CNPY1: variants seen among roughly 807,000 people sequenced by gnomAD.
CNPY1 encodes canopy FGF signaling regulator 1, also known as protein canopy homolog 1.
CNPY1 carries 14 observed loss-of-function variants against 14.4 expected under a neutral mutation model. The observed-to-expected ratio is 0.97, with a 90% CI of 0.64 to 1.52. CNPY1 has a LOEUF of 1.52. Ranked by LOEUF, CNPY1 falls within the 40% of genes most tolerant of loss-of-function variation. The pLI is 0.00. For missense variants in CNPY1, 129 were observed against 131.5 expected (o/e 0.98, Z 0.09); for synonymous variants, 43 against 46.5 (o/e 0.92, Z 0.31).
intron 2 of CNPY1, among the ~76,000 whole-genome samples, chr7:155,515,297 C>A (rs1326658834): frequency 3.5e-5 from 1 of 28,224 alleles, no homozygotes; most frequent in Non-Finnish European, 5.9e-5. Context: ...CAAGGCCGCC[C>A]CCCCCCCCCC....
intron 2 of CNPY1, among the ~76,000 whole-genome samples, chr7:155,526,192 A>G (rs973861543): frequency 3.9e-5 from 6 of 152,226 alleles, no homozygotes; most frequent in Non-Finnish European, 8.8e-5. Flanking sequence ...CATCTTTGTA[A>G]AAAAGTGACA....
At chr7:155,545,522 C>T (rs1299075727) in intron 2 of CNPY1, among the ~76,000 whole-genome samples, 2 of 152,182 alleles carry the variant, frequency 1.3e-5, no homozygotes, top group African/African-American at 2.4e-5. Flanking sequence ...TCTAGGCCGC[C>T]CCTTTAGCCT....
intron 2 of CNPY1, among the ~76,000 whole-genome samples, chr7:155,531,575 A>G (rs935697378): frequency 2.0e-5 from 3 of 152,178 alleles, no homozygotes; most frequent in African/African-American, 4.8e-5. Flanking sequence ...AGCTTAGGAT[A>G]TCGGCACTTC....
chr7:155,521,330 CA>C (rs1796720334), intron 2 of CNPY1, among the ~76,000 whole-genome samples: 1 of 152,170 alleles, frequency 6.6e-6, no homozygotes, highest in Admixed American at 6.5e-5. Context: ...TGGGAAGGAC[CA>C]GGTTTCTTTA....
chr7:155,514,050 G>A (rs1343895597), intron 2 of CNPY1, among the ~76,000 whole-genome samples: 4 of 152,212 alleles, frequency 2.6e-5, no homozygotes, highest in African/African-American at 7.2e-5. Flanking sequence ...TGTGCCCTCC[G>A]GTGGGCACCG....
At chr7:155,537,549 G>A (rs1797038179) in intron 2 of CNPY1, among the ~76,000 whole-genome samples, 1 of 151,056 alleles carries the variant, frequency 6.6e-6, no homozygotes, top group African/African-American at 2.4e-5. Context: ...TCAGCCTCCT[G>A]AGTAGCTGGG....
intron 2 of CNPY1, among the ~76,000 whole-genome samples, chr7:155,537,424 C>CTTTTT (rs557551511): frequency 7.3e-6 from 1 of 137,788 alleles, no homozygotes; most frequent in Non-Finnish European, 1.6e-5. Flanking sequence ...TTTTTCTTTT[C>CTTTTT]TTTTTTTTTT....
At chr7:155,534,807 C>T (rs1188918270) in intron 2 of CNPY1, among the ~76,000 whole-genome samples, 1 of 152,238 alleles carries the variant, frequency 6.6e-6, no homozygotes, top group African/African-American at 2.4e-5. Context: ...TTTCTGGGCA[C>T]TGAGGGAGCG....
chr7:155,539,947 A>C (rs1043839387), intron 2 of CNPY1, among the ~76,000 whole-genome samples: 1 of 152,170 alleles, frequency 6.6e-6, no homozygotes, highest in Non-Finnish European at 1.5e-5. Context: ...GAGGGGTAGA[A>C]CTGCACCGTG....
intron 2 of CNPY1, among the ~76,000 whole-genome samples, chr7:155,522,429 CCAT>C (rs1796743659): frequency 6.6e-6 from 1 of 152,252 alleles, no homozygotes; most frequent in African/African-American, 2.4e-5. Flanking sequence ...TGGGCAGTAG[CCAT>C]GTCAGGGTGT....
At chr7:155,522,694 A>T (rs1379880861) in intron 2 of CNPY1, among the ~76,000 whole-genome samples, 3 of 151,242 alleles carry the variant, frequency 2.0e-5, no homozygotes, top group Non-Finnish European at 2.9e-5. Context: ...CAGTCCTCGT[A>T]AGAGCCACTA....
chr7:155,541,060 T>C (rs1302697958), intron 2 of CNPY1, among the ~76,000 whole-genome samples: 1 of 152,212 alleles, frequency 6.6e-6, no homozygotes, highest in Admixed American at 6.5e-5. Flanking sequence ...TTTGTGCCAG[T>C]GTGAGGAGCT....
intron 2 of CNPY1, among the ~76,000 whole-genome samples, chr7:155,514,601 T>C (rs1796581963): frequency 6.6e-6 from 1 of 152,206 alleles, no homozygotes; most frequent in South Asian, 2.1e-4. Context: ...CCTTATAAAA[T>C]GTTAGACGTC....
At chr7:155,509,950 C>T (rs1382887086) in intron 2 of CNPY1, among the ~76,000 whole-genome samples, 1 of 152,202 alleles carries the variant, frequency 6.6e-6, no homozygotes, top group Admixed American at 6.5e-5. Flanking sequence ...GCGGCGTCCC[C>T]GCGGCTCCTT....
chr7:155,529,039 T>C (rs1180952318), intron 2 of CNPY1, among the ~76,000 whole-genome samples: 4 of 147,174 alleles, frequency 2.7e-5, no homozygotes, highest in Non-Finnish European at 5.9e-5. Flanking sequence ...CCAGCCTGGG[T>C]GACAGAGCGA....
chr7:155,515,758 A>G (rs1198124769), intron 2 of CNPY1, among the ~76,000 whole-genome samples: 1 of 152,202 alleles, frequency 6.6e-6, no homozygotes, highest in Non-Finnish European at 1.5e-5. Context: ...CAGGGAGGGT[A>G]GAGCCTCTTT....
At chr7:155,520,402 T>C (rs993566757) in intron 2 of CNPY1, among the ~76,000 whole-genome samples, 1 of 151,218 alleles carries the variant, frequency 6.6e-6, no homozygotes, top group Non-Finnish European at 1.5e-5. Flanking sequence ...AGTTGTCTCT[T>C]TTTCTTTTTC....
intron 2 of CNPY1, among the ~76,000 whole-genome samples, chr7:155,541,389 C>T (rs949545384): frequency 5.3e-5 from 8 of 152,226 alleles, no homozygotes; most frequent in East Asian, 1.9e-4. Flanking sequence ...CCCTGTACAT[C>T]GTGTATTACT....
chr7:155,505,328 G>A (rs1286815751), intron 4 of CNPY1, among the ~76,000 whole-genome samples: 1 of 152,128 alleles, frequency 6.6e-6, no homozygotes, highest in Admixed American at 6.6e-5. Context: ...GACTTAATCA[G>A]TGTTTTAAAA....
Sources: gnomAD v4.1 joint callset for allele counts (sites outside exome capture counted in the v4.1 genomes callset) on GRCh38, gnomAD v4.1.1 for gene constraint, MANE v1.5 for transcripts, NCBI Gene and HGNC (gene_info 2026-07-23, HGNC 2026-07-21) for gene names.